LRP1B: variants seen among roughly 807,000 people sequenced by gnomAD.
The protein encoded by LRP1B is low-density lipoprotein receptor-related protein 1B.
A neutral mutation model predicts 556.6 loss-of-function variants in LRP1B; 217 were observed. That is an observed-to-expected ratio of 0.39 (90% confidence interval 0.35 to 0.44). The LOEUF (loss-of-function observed/expected upper bound fraction) is 0.44, where lower values mean the gene tolerates loss of function less well. Among genes scored for constraint, LRP1B ranks in the 20% least tolerant of loss-of-function variants. The pLI is 1.00. For synonymous variants in LRP1B, 2,047 were observed against 1,865.8 expected (o/e 1.10, Z -2.50); for missense variants, 5,053 against 5,620.8 (o/e 0.90, Z 3.23).
At chr2:140,889,523 T>C (rs1693737049) in intron 23 of LRP1B, among the ~76,000 whole-genome samples, 1 of 152,194 alleles carries the variant, frequency 6.6e-6, no homozygotes, top group East Asian at 1.9e-4. Flanking sequence ...CTTGAACTCC[T>C]GCCCCTCAAG....
At chr2:140,635,321 T>G in intron 41 of LRP1B, among the ~76,000 whole-genome samples, 1 of 152,028 alleles carries the variant, frequency 6.6e-6, no homozygotes, top group East Asian at 1.9e-4. Flanking sequence ...GTTTTTATTA[T>G]AGCCAAAAAG....
intron 6 of LRP1B, among the ~76,000 whole-genome samples, chr2:141,193,551 A>G (rs1396611008): frequency 6.6e-6 from 1 of 152,020 alleles, no homozygotes; most frequent in Admixed American, 6.6e-5. Context: ...ACTCATGAAC[A>G]CAAAGAAGGG....
At chr2:141,866,640 C>T (rs989113779) in intron 1 of LRP1B, among the ~76,000 whole-genome samples, 16 of 152,008 alleles carry the variant, frequency 1.1e-4, no homozygotes, top group African/African-American at 3.9e-4. Context: ...CCATAGGAAC[C>T]GAGAACATGT....
intron 3 of LRP1B, among the ~76,000 whole-genome samples, chr2:141,425,283 T>C (rs1320503040): frequency 1.3e-5 from 2 of 150,602 alleles, no homozygotes; most frequent in African/African-American, 4.9e-5. Context: ...TATTCCATGG[T>C]GTATATGTGC....
chr2:141,836,810 A>C (rs1244881620), intron 1 of LRP1B, among the ~76,000 whole-genome samples: 1 of 151,990 alleles, frequency 6.6e-6, no homozygotes, highest in Middle Eastern at 3.2e-3. Flanking sequence ...TAAATCTAAC[A>C]GTAGGTAATT....
At position 141,767,415 on chromosome 2, in the gene LRP1B, G is replaced by A. The variant is rs534766103; in HGVS notation, c.205+42864C>T. Reference sequence around the variant, plus strand: ...AAAGCATGTAATTACTAAAGTTATTGGATAGGTTCAGGTCAAATTATCTAT... The same window carrying A: ...AAAGCATGTAATTACTAAAGTTATTAGATAGGTTCAGGTCAAATTATCTAT... On this transcript the variant is annotated intron_variant, in intron 2 of 90. Coordinates refer to ENST00000389484, the MANE Select transcript of LRP1B (RefSeq NM_018557.3). Among the ~76,000 whole-genome samples, 48 of 152,050 alleles carry A rather than the reference G, an allele frequency of 3.2e-4. No individual in the cohort carries two copies. The East Asian group carries it at 8.5e-3, about 27-fold the overall frequency.
intron 1 of LRP1B, among the ~76,000 whole-genome samples, chr2:141,917,707 GT>G (rs1231895938): frequency 1.3e-5 from 2 of 152,148 alleles, no homozygotes; most frequent in African/African-American, 4.8e-5. Flanking sequence ...CAGCTTTTGA[GT>G]TTGAAAAGTT....
intron 2 of LRP1B, among the ~76,000 whole-genome samples, chr2:141,600,451 G>T (rs2105307763): frequency 6.6e-6 from 1 of 152,240 alleles, no homozygotes; most frequent in Middle Eastern, 3.4e-3. Context: ...TAATGGTGGT[G>T]GTAGAACTGG....
chr2:141,605,009 G>T (rs1687863130), intron 2 of LRP1B, among the ~76,000 whole-genome samples: 1 of 152,126 alleles, frequency 6.6e-6, no homozygotes, highest in Non-Finnish European at 1.5e-5. Context: ...CAGGCAGAGT[G>T]GGCCAGTAGT....
chr2:141,718,309 C>T (rs915170488), intron 2 of LRP1B, among the ~76,000 whole-genome samples: 1 of 152,188 alleles, frequency 6.6e-6, no homozygotes, highest in South Asian at 2.1e-4. Flanking sequence ...CCTTGCCTCA[C>T]TGCCGTTGGC....
chr2:140,324,488 A>C (rs1680345182), intron 80 of LRP1B, among the ~76,000 whole-genome samples: 1 of 152,130 alleles, frequency 6.6e-6, no homozygotes, highest in Non-Finnish European at 1.5e-5. Context: ...TGGTTTATTA[A>C]GCAATCAATC....
intron 4 of LRP1B, among the ~76,000 whole-genome samples, chr2:141,248,384 G>A (rs1173345889): frequency 6.6e-6 from 1 of 151,954 alleles, no homozygotes; most frequent in Non-Finnish European, 1.5e-5. Context: ...TTATAATAGG[G>A]GTATACTCGA....
intron 7 of LRP1B, among the ~76,000 whole-genome samples, chr2:141,090,857 T>C (rs1182204425): frequency 6.6e-6 from 1 of 152,212 alleles, no homozygotes; most frequent in East Asian, 1.9e-4. Context: ...TCATGACACA[T>C]ATTTGACATA....
At chr2:140,288,384 T>C (rs1312521882) in intron 84 of LRP1B, among the ~76,000 whole-genome samples, 1 of 151,878 alleles carries the variant, frequency 6.6e-6, no homozygotes, top group Admixed American at 6.6e-5. Context: ...TTCTTCTCTT[T>C]AAAGCATTTA....
At chr2:141,370,130 A>T (rs1021589354) in intron 3 of LRP1B, among the ~76,000 whole-genome samples, 3 of 152,058 alleles carry the variant, frequency 2.0e-5, no homozygotes, top group Non-Finnish European at 4.4e-5. Context: ...TTTTTGATGT[A>T]ATTATTTCTT....
chr2:140,337,185 CTTACA>C (rs1681145765), intron 77 of LRP1B, among the ~76,000 whole-genome samples: 1 of 151,870 alleles, frequency 6.6e-6, no homozygotes, highest in African/African-American at 2.4e-5. Context: ...GAAAATACGG[CTTACA>C]TTAAACACAG....
chr2:141,349,753 T>A lies in LRP1B; in HGVS notation c.344-95112A>T, dbSNP rs116502872. 2.6e-3 allele frequency among the ~76,000 whole-genome samples: 391 copies of A among 152,094 alleles called. 3 individuals carry two copies. The highest frequency in any genetic ancestry group is 8.9e-3 in the African/African-American group (371 of 41,466). ...AAAATATAACATTCTGGGACAGGAG[T>A]TGGCTGTGGAGGAAGGAGTTAAGAT... is the stretch of plus-strand genomic sequence containing the variant. On this transcript the variant is annotated intron_variant, in intron 3 of 90. Transcript: ENST00000389484.
At chr2:141,625,293 A>G (rs918854969) in intron 2 of LRP1B, among the ~76,000 whole-genome samples, 3 of 152,192 alleles carry the variant, frequency 2.0e-5, no homozygotes, top group African/African-American at 7.2e-5. Context: ...ATGGAATGGT[A>G]CCTTGAGTGA....
intron 18 of LRP1B, among the ~76,000 whole-genome samples, chr2:140,972,330 C>G (rs10201482): frequency 0.74 from 111,765 of 152,050 alleles, 41,612 homozygotes; most frequent in Admixed American, 0.79. Context: ...GACATAAGCA[C>G]GAAAAAGAGC....
Sources: gnomAD v4.1 joint callset for allele counts (sites outside exome capture counted in the v4.1 genomes callset) on GRCh38, gnomAD v4.1.1 for gene constraint, MANE v1.5 for transcripts, NCBI Gene and HGNC (gene_info 2026-07-23, HGNC 2026-07-21) for gene names.